Variants in ZNF385D observed in about 807,000 individuals in gnomAD.
ZNF385D encodes the protein zinc finger protein 659.
ZNF385D carries 15 observed loss-of-function variants against 35.8 expected under a neutral mutation model. That is an observed-to-expected ratio of 0.42 (90% confidence interval 0.28 to 0.64). ZNF385D has a LOEUF of 0.64. Ranked by LOEUF, ZNF385D falls within the 30% of genes least tolerant of loss-of-function variation. The probability of loss-of-function intolerance (pLI) is 0.23; values close to 1 mark genes in which losing one functional copy is unlikely to be tolerated. For synonymous variants in ZNF385D, 212 were observed against 186.8 expected, an observed-to-expected ratio of 1.13 and a Z score of -1.10; for missense variants, 474 against 494.6, an observed-to-expected ratio of 0.96 and a Z score of 0.39.
At chr3:22,228,576 G>A (rs755710851) in intron 2 of ZNF385D, among the ~76,000 whole-genome samples, 25 of 152,198 alleles carry the variant, frequency 1.6e-4, no homozygotes, top group Non-Finnish European at 3.4e-4. Flanking sequence ...TCATTTGAGT[G>A]CCCTGAAGCA....
chr3:21,651,239 G>GATC (rs2065903235), intron 2 of ZNF385D, among the ~76,000 whole-genome samples: 1 of 116,838 alleles, frequency 8.6e-6, no homozygotes, highest in South Asian at 2.8e-4. Context: ...AGTGAGCCAA[G>GATC]ATCGTGCCAC....
At chr3:21,602,241 A>G (rs2064316936) in intron 2 of ZNF385D, among the ~76,000 whole-genome samples, 1 of 152,230 alleles carries the variant, frequency 6.6e-6, no homozygotes, top group South Asian at 2.1e-4. Context: ...CCCACCCTTG[A>G]CACCTGGGGA....
chr3:21,680,021 G>C (rs1170748934), intron 1 of ZNF385D, among the ~76,000 whole-genome samples: 4 of 152,054 alleles, frequency 2.6e-5, no homozygotes, highest in African/African-American at 9.7e-5. Flanking sequence ...TATGATAGCT[G>C]ACTTGGAATC....
intron 3 of ZNF385D, among the ~76,000 whole-genome samples, chr3:21,771,087 T>G (rs1364834343): frequency 9.7e-6 from 1 of 102,822 alleles, no homozygotes; most frequent in East Asian, 3.0e-4. Context: ...CTGGGGCCTG[T>G]TGTGGGGTCG....
intron 3 of ZNF385D, among the ~76,000 whole-genome samples, chr3:21,889,838 C>T (rs1175896526): frequency 2.0e-5 from 3 of 152,120 alleles, no homozygotes; most frequent in Non-Finnish European, 4.4e-5. Flanking sequence ...GATCAAGCCC[C>T]CTCTGAAGGT....
chr3:21,501,327 G>T (rs1358297715), intron 4 of ZNF385D, among the ~76,000 whole-genome samples: 1 of 152,056 alleles, frequency 6.6e-6, no homozygotes, highest in Non-Finnish European at 1.5e-5. Context: ...ATCTAAACTA[G>T]CATGAGGACC....
intron 3 of ZNF385D, among the ~76,000 whole-genome samples, chr3:21,928,656 G>A (rs1700864536): frequency 6.6e-6 from 1 of 152,048 alleles, no homozygotes; most frequent in African/African-American, 2.4e-5. Flanking sequence ...GAATCAGAGG[G>A]GGACAGCAAC....
chr3:22,066,668 C>A (rs993690232), intron 3 of ZNF385D, among the ~76,000 whole-genome samples: 2 of 151,446 alleles, frequency 1.3e-5, no homozygotes, highest in Non-Finnish European at 2.9e-5. Context: ...TTGTAGGAGG[C>A]AGTAACAAGG....
rs1405664907 is a variant in ZNF385D, at chr3:21,646,863, C to A, written c.165+18023G>T. On this transcript the variant is annotated intron_variant, in intron 2 of 7. Coordinates refer to ENST00000281523, the MANE Select transcript of ZNF385D (RefSeq NM_024697.3). This position sits in a 1 kb window ranked among gnomAD's most constrained non-coding sequence, Gnocchi z 4.3. ...TACCTGTAATGGCAGTCCTATCCAG[C>A]CCCTCTCTGTCTGATGCTAAGGCTC... Among the ~76,000 whole-genome samples, 14 of 152,182 alleles carry A rather than the reference C, an allele frequency of 9.2e-5. No individual in the cohort carries two copies.
chr3:22,371,497 C>A (rs1696903217), intron 2 of ZNF385D, among the ~76,000 whole-genome samples: 1 of 152,172 alleles, frequency 6.6e-6, no homozygotes. Context: ...AAATCACAGA[C>A]CAGCTCGGGC....
chr3:22,179,663 C>G (rs1214448451), intron 2 of ZNF385D, among the ~76,000 whole-genome samples: 3 of 152,120 alleles, frequency 2.0e-5, no homozygotes, highest in South Asian at 2.1e-4. Flanking sequence ...CTGCCTTGTG[C>G]CAGTTTTGAA....
chr3:21,476,276 C>A lies in ZNF385D; in HGVS notation c.439+34585G>T, dbSNP rs536678144. On this transcript the variant is annotated intron_variant, in intron 4 of 7. Coordinates refer to ENST00000281523, the MANE Select transcript of ZNF385D (RefSeq NM_024697.3). ...TTGTCATCATGAGGGAAGGCCACTC[C>A]TTATTTAATTGTTCATTCAGCCCCT... is the stretch of plus-strand genomic sequence containing the variant. Among the ~76,000 whole-genome samples the A allele has an allele frequency of 3.3e-5, 5 of 152,138 alleles. No homozygotes were observed. In the East Asian group the frequency reaches 9.7e-4, roughly 29 times the overall value.
At chr3:21,773,045 T>C (rs1258600003) in intron 3 of ZNF385D, among the ~76,000 whole-genome samples, 1 of 151,684 alleles carries the variant, frequency 6.6e-6, no homozygotes, top group Non-Finnish European at 1.5e-5. Flanking sequence ...TTGCTGGAGA[T>C]GGGGGAGAGA....
intron 3 of ZNF385D, among the ~76,000 whole-genome samples, chr3:21,811,069 G>A (rs1303255815): frequency 1.3e-5 from 2 of 150,338 alleles, no homozygotes; most frequent in African/African-American, 4.9e-5. Context: ...TTCCACATAG[G>A]AAATATAAAG....
chr3:22,217,880 G>A (rs964064123), intron 2 of ZNF385D, among the ~76,000 whole-genome samples: 1 of 152,058 alleles, frequency 6.6e-6, no homozygotes, highest in Admixed American at 6.6e-5. Flanking sequence ...TCTCCAACTT[G>A]CAGGAAAGGG....
intron 3 of ZNF385D, among the ~76,000 whole-genome samples, chr3:22,091,081 A>G (rs560930959): frequency 9.8e-5 from 15 of 152,290 alleles, no homozygotes; most frequent in African/African-American, 2.9e-4. Flanking sequence ...AGCAGAGAAT[A>G]TAACACTAGA....
At chr3:22,025,950 GGGGCCAA>G (rs572246761) in intron 3 of ZNF385D, among the ~76,000 whole-genome samples, 2,671 of 152,270 alleles carry the variant, frequency 0.018, 33 homozygotes, top group Non-Finnish European at 0.025. Context: ...CAAGGTGGCA[GGGGCCAA>G]GTGGCAGCAC....
intron 3 of ZNF385D, among the ~76,000 whole-genome samples, chr3:21,940,228 C>T (rs113338287): frequency 8.3e-4 from 126 of 152,092 alleles, no homozygotes; most frequent in African/African-American, 2.8e-3. Flanking sequence ...TTAAGTGTAA[C>T]GTATCATCAG....
At chr3:22,011,256 T>C (rs903238484) in intron 3 of ZNF385D, among the ~76,000 whole-genome samples, 4 of 152,114 alleles carry the variant, frequency 2.6e-5, no homozygotes, top group African/African-American at 9.7e-5. Context: ...AAACTATGGA[T>C]AGATGGTTAT....
Sources: gnomAD v4.1 joint callset for allele counts (sites outside exome capture counted in the v4.1 genomes callset) on GRCh38, gnomAD v4.1.1 for gene constraint, Gnocchi (gnomAD v3.1) non-coding constraint, MANE v1.5 for transcripts, NCBI Gene and HGNC (gene_info 2026-07-23, HGNC 2026-07-21) for gene names.